Variants in DSP observed in about 807,000 individuals in gnomAD.
DSP encodes the protein desmoplakin, also known as 250/210 kDa paraneoplastic pemphigus antigen.
DSP carries 114 observed loss-of-function variants against 290.6 expected under a neutral mutation model. The ratio of observed to expected loss-of-function variants is 0.39; its 90% CI spans 0.34 to 0.46. The LOEUF is 0.46. Ranked by LOEUF, DSP falls within the 20% of genes least tolerant of loss-of-function variation. DSP has a pLI of 0.99. For missense variants in DSP, 3,230 were observed against 3,495.8 expected (o/e 0.92, Z 1.92); for synonymous variants, 1,311 against 1,316.4 (o/e 1.00, Z 0.09).
chr6:7,545,759 C>T (rs1358171366), intron 1 of DSP, among the ~76,000 whole-genome samples: 4 of 152,186 alleles, frequency 2.6e-5, no homozygotes, highest in African/African-American at 9.7e-5. Flanking sequence ...ACTGGGAAGA[C>T]TTTATAAAGG....
intron 10 of DSP, 132 bp from the exon 11 acceptor site, chr6:7,568,305 T>A: frequency 9.7e-7 from 1 of 1,031,774 alleles, no homozygotes; most frequent in Non-Finnish European, 1.5e-6. Context: ...CCGACGAATT[T>A]GTGATTTTTT....
At position 7,567,879 on chromosome 6, in the gene DSP, C is replaced by A; in HGVS notation, c.1239C>A (p.His413Gln). 1.2e-6 allele frequency: 2 copies of A among 1,614,012 alleles called. No individual in the cohort carries two copies. The highest frequency in any genetic ancestry group is 2.2e-5 in the South Asian group (2 of 91,080). ...GCGACAAGAACATGCCCCTGCAGCACCTGCTGGAACAGATCAAGGAGCTGG... is the reference window on the plus strand; with the variant it reads ...GCGACAAGAACATGCCCCTGCAGCAACTGCTGGAACAGATCAAGGAGCTGG... ...YPCDKNMPLQ[H>Q]LLEQIKELEK... The change falls in exon 10 of 24, where the codon CAC becomes CAA. Residue 413 changes from histidine to glutamine, a missense_variant. Transcript: ENST00000379802.
Position 7,566,419 on chromosome 6 carries a change from A to G in DSP, c.982A>G (p.Lys328Glu). Residue 328 changes from lysine (K) to glutamate (E), a missense_variant, in exon 8 of 24, where the codon AAG becomes GAG. This residue lies in a region of DSP where 646 missense variants were observed against 684.3 expected (regional missense o/e 0.94). Coordinates refer to ENST00000379802, the MANE Select transcript of DSP (RefSeq NM_004415.4). ...GGAAGTTAAAGAAAAAGAGCTCAAT[A>G]AGCTGAAACAAGAAAGTGACCAACT... ...QLEVKEKELN[K>E]LKQESDQLVL... The G allele has an allele frequency of 6.2e-7, 1 of 1,614,014 alleles. No homozygotes were observed. Among genetic ancestry groups the G allele is most frequent in the Non-Finnish European group, 8.5e-7 (1 of 1,180,014 alleles).
chr6:7,545,489 A>G (rs1038694366), intron 1 of DSP, among the ~76,000 whole-genome samples: 2 of 152,328 alleles, frequency 1.3e-5, no homozygotes, highest in South Asian at 2.1e-4. Context: ...TTTAGAATGG[A>G]CAGGCCTGTA....
In DSP at chr6:7,559,389, A is replaced by G. The variant is rs751257955; in HGVS notation, c.586A>G (p.Arg196Gly). 1 of 1,612,632 alleles carries G rather than the reference A, an allele frequency of 6.2e-7. No homozygotes were observed. Among genetic ancestry groups the G allele is most frequent in the Non-Finnish European group, 8.5e-7 (1 of 1,180,012 alleles). Reference protein sequence around the residue: ...HVTSECLGWMRQQRAEMDMVA... With the variant: ...HVTSECLGWMGQQRAEMDMVA... ...CACCAGTGAATGTTTGGGGTGGATG[A>G]GGCAGCAAAGGGTAAGCAGCTTCTT... The change falls in exon 4 of 24, where the codon AGG becomes GGG. Residue 196 changes from arginine to glycine, a missense_variant. Physicochemically the swap from Arg to Gly is moderately radical, Grantham distance 125 (BLOSUM62 -2). This residue lies in a region of DSP where 646 missense variants were observed against 684.3 expected (regional missense o/e 0.94). Coordinates refer to ENST00000379802, the MANE Select transcript of DSP (RefSeq NM_004415.4).
chr6:7,569,172 T>C lies in DSP; in HGVS notation c.1420-14T>C. The C allele has an allele frequency of 6.2e-7, 1 of 1,614,188 alleles. No homozygotes were observed. The highest frequency in any genetic ancestry group is 1.1e-5 in the South Asian group (1 of 91,084). On this transcript the variant is annotated splice_polypyrimidine_tract_variant and intron_variant, in intron 11 of 23. Transcript: ENST00000379802. Reference sequence around the variant, plus strand: ...TATGAATAAAGCCAAACCCTGGGGTTGCTTGCCTTACAGAAAATCGTGCAT... The same window carrying C: ...TATGAATAAAGCCAAACCCTGGGGTCGCTTGCCTTACAGAAAATCGTGCAT...
In DSP at chr6:7,583,396, C is replaced by G. The variant is rs1759516546; in HGVS notation, c.6134C>G (p.Thr2045Arg). ...AAGAAATTAATCAGCCCAGAATCCACAGTCATGCTTCTGGAGGCCCAGGCA... is the reference window on the plus strand; with the variant it reads ...AAGAAATTAATCAGCCCAGAATCCAGAGTCATGCTTCTGGAGGCCCAGGCA... ...KRKKLISPESTVMLLEAQAAT... is the reference protein window; with the variant it reads ...KRKKLISPESRVMLLEAQAAT... Residue 2045 changes from threonine to arginine, a missense_variant, in exon 24 of 24, where the codon ACA becomes AGA. This residue lies in a region of DSP where 1,714 missense variants were observed against 1,844.5 expected (regional missense o/e 0.93). Coordinates refer to ENST00000379802, the MANE Select transcript of DSP (RefSeq NM_004415.4). This position sits in a 1 kb window ranked among gnomAD's most constrained non-coding sequence, Gnocchi z 4.0. 1.9e-6 allele frequency: 3 copies of G among 1,614,154 alleles called. No homozygotes were observed. The highest frequency in any genetic ancestry group is 8.5e-7 in the Non-Finnish European group (1 of 1,180,044).
Position 7,565,233 on chromosome 6 carries a change from G to A in DSP, c.778-126G>A, listed in dbSNP as rs760088879. On this transcript the variant is annotated intron_variant, in intron 6 of 23. Coordinates refer to ENST00000379802, the MANE Select transcript of DSP (RefSeq NM_004415.4). The surrounding 1 kb of genome is among the most constrained non-coding windows in gnomAD (Gnocchi z 4.2). ...ACCAGGTGGTCAGTGAATGCACAAGGTTAACATTTTTCCTATCCGTGTGAT... is the reference window on the plus strand; with the variant it reads ...ACCAGGTGGTCAGTGAATGCACAAGATTAACATTTTTCCTATCCGTGTGAT... The A allele has an allele frequency of 5.0e-4, 634 of 1,272,672 alleles. No homozygotes were observed. Among genetic ancestry groups the A allele is most frequent in the Non-Finnish European group, 6.6e-4 (590 of 898,184 alleles). The allele number at this position is 1,272,672 out of a possible 1,614,324, so 78.8% of individuals were successfully genotyped here.
rs764619784 is a variant in DSP at position 7,583,491 on chromosome 6, C to G, written c.6229C>G (p.Leu2077Val). The change falls in exon 24 of 24, where the codon CTC becomes GTC. Residue 2077 changes from leucine to valine, a missense_variant. Physicochemically the swap from Leu to Val is conservative, Grantham distance 32. Transcript: ENST00000379802. The surrounding 1 kb of genome is among the most constrained non-coding windows in gnomAD (Gnocchi z 4.0). ...LTVDSAIARDLIDFDDRQQIY... is the reference protein window; with the variant it reads ...LTVDSAIARDVIDFDDRQQIY... ...TGTCGACAGTGCCATAGCTCGGGAC[C>G]TCATTGACTTCGATGACCGTCAGCA... 2 of 1,614,176 alleles carry G rather than the reference C, an allele frequency of 1.2e-6. No individual in the cohort carries two copies. Among genetic ancestry groups the G allele is most frequent in the South Asian group, 2.2e-5 (2 of 91,082 alleles).
intron 10 of DSP, 69 bp from the exon 11 acceptor site, chr6:7,568,368 C>A: frequency 1.3e-6 from 2 of 1,541,614 alleles, no homozygotes; most frequent in Non-Finnish European, 1.8e-6. Flanking sequence ...TACATTAATG[C>A]AGGTTGAAAA....
rs1759492368 is a variant in DSP, at chr6:7,582,954, G to A, written c.5692G>A (p.Glu1898Lys). 1 of 1,614,098 alleles carries A rather than the reference G, an allele frequency of 6.2e-7. No individual in the cohort carries two copies. The highest frequency in any genetic ancestry group is 8.5e-7 in the Non-Finnish European group (1 of 1,180,020). ...GAGAGAGAAGAACAGTCTTAGGAGT[G>A]AGATCGAAAGACTCCAAGCAGAGAT... ...SEREKNSLRS[E>K]IERLQAEIKR... Residue 1898 changes from glutamate (E) to lysine (K), a missense_variant, in exon 24 of 24, where the codon GAG becomes AAG. Physicochemically the swap from Glu to Lys is moderately conservative, Grantham distance 56 (BLOSUM62 1). Coordinates refer to ENST00000379802, the MANE Select transcript of DSP (RefSeq NM_004415.4). The surrounding 1 kb of genome is among the most constrained non-coding windows in gnomAD (Gnocchi z 4.2).
chr6:7,565,284 T>TA lies in DSP; in HGVS notation c.778-73dup. On this transcript the variant is annotated intron_variant, in intron 6 of 23. Coordinates refer to ENST00000379802, the MANE Select transcript of DSP (RefSeq NM_004415.4). The surrounding 1 kb of genome is among the most constrained non-coding windows in gnomAD (Gnocchi z 4.2). ...TTTTTTTTTAAAGGGACCACAGGTT[T>TA]AATCTTTAAACCTGCAGAGAACACC... 1 of 1,584,080 alleles carries TA rather than the reference T, an allele frequency of 6.3e-7. No individual in the cohort carries two copies. Among genetic ancestry groups the TA allele is most frequent in the Non-Finnish European group, 8.6e-7 (1 of 1,157,748 alleles).
intron 9 of DSP, 82 bp downstream of exon 9, chr6:7,567,531 A>G (rs1758898503): frequency 7.6e-7 from 1 of 1,323,014 alleles, no homozygotes; most frequent in Non-Finnish European, 1.1e-6. Context: ...AGCACTGAAA[A>G]TAATCTTCAA....
Position 7,580,462 on chromosome 6 carries a change from G to A in DSP, c.4272G>A (p.Arg1424=). ...NTLTQTTENL[R]RVEEDIQQQK... is the part of the protein sequence containing the mutation. The stretch of plus-strand genomic sequence containing the variant: ...TAACCCAGACCACAGAGAATCTCAG[G>A]AGGGTGGAAGAAGACATCCAACAGC... Residue 1424 remains arginine (R), a synonymous_variant, in exon 23 of 24, where the codon AGG becomes AGA. Coordinates refer to ENST00000379802, the MANE Select transcript of DSP (RefSeq NM_004415.4). This position sits in a 1 kb window ranked among gnomAD's most constrained non-coding sequence, Gnocchi z 4.2. 2 of 1,614,072 alleles carry A rather than the reference G, an allele frequency of 1.2e-6. No homozygotes were observed. The highest frequency in any genetic ancestry group is 1.7e-6 in the Non-Finnish European group (2 of 1,180,002).
At chr6:7,567,264 C>A in intron 8 of DSP, 90 bp from the exon 9 acceptor site, 1 of 1,039,728 alleles carries the variant, frequency 9.6e-7, no homozygotes, top group Non-Finnish European at 1.5e-6. Context: ...AAACTGCTTA[C>A]TAGCTTTCAT....
chr6:7,572,074 T>C lies in DSP; in HGVS notation c.2130+6T>C. 1 of 1,610,366 alleles carries C rather than the reference T, an allele frequency of 6.2e-7. No individual in the cohort carries two copies. The highest frequency in any genetic ancestry group is 2.2e-5 in the East Asian group (1 of 44,862). On this transcript the variant is annotated splice_donor_region_variant and intron_variant, in intron 15 of 23. Transcript: ENST00000379802. ...TGAAAATTAACGAGCTTAAGGTAGGTATCTGCTAGTATTTTGCCTGGTTAC... is the reference window on the plus strand; with the variant it reads ...TGAAAATTAACGAGCTTAAGGTAGGCATCTGCTAGTATTTTGCCTGGTTAC...
chr6:7,562,878 AT>A (rs2113665580), intron 5 of DSP, 98 bp downstream of exon 5: 1 of 1,554,088 alleles, frequency 6.4e-7, no homozygotes, highest in Non-Finnish European at 8.8e-7. Context: ...CATTGCTATT[AT>A]TTCTTTCCCA....
At chr6:7,544,665 C>G (rs1758120105) in intron 1 of DSP, among the ~76,000 whole-genome samples, 1 of 152,022 alleles carries the variant, frequency 6.6e-6, no homozygotes, top group South Asian at 2.1e-4. Context: ...GTGGAGGGCC[C>G]AACTCTTAGT....
At chr6:7,546,165 G>A (rs1345655850) in intron 1 of DSP, among the ~76,000 whole-genome samples, 1 of 152,186 alleles carries the variant, frequency 6.6e-6, no homozygotes, top group Non-Finnish European at 1.5e-5. Context: ...GAACCAGGGT[G>A]AGGGCAGTGG....
Sources: gnomAD v4.1 joint callset for allele counts (sites outside exome capture counted in the v4.1 genomes callset) on GRCh38, gnomAD v4.1.1 for gene constraint, gnomAD v4.1.1 regional missense constraint, Gnocchi (gnomAD v3.1) non-coding constraint, MANE v1.5 for transcripts, NCBI Gene and HGNC (gene_info 2026-07-23, HGNC 2026-07-21) for gene names.